Variants in ANKFN1 observed in about 807,000 individuals in gnomAD.
ANKFN1 encodes the protein ankyrin repeat and fibronectin type-III domain-containing protein 1.
Under a neutral mutation model 108.7 loss-of-function variants are expected in ANKFN1, and 74 were observed. That is an observed-to-expected ratio of 0.68 (90% CI 0.56 to 0.83). ANKFN1 has a LOEUF of 0.83. ANKFN1 is among the 40% of genes least tolerant of loss of function. The pLI, the probability that ANKFN1 is intolerant of heterozygous loss-of-function variation, is 0.00. For synonymous variants in ANKFN1, 547 were observed against 516.2 expected, an observed-to-expected ratio of 1.06 and a Z score of -0.81; for missense variants, 1,505 against 1,382.3, an observed-to-expected ratio of 1.09 and a Z score of -1.41.
intron 4 of ANKFN1, among the ~76,000 whole-genome samples, chr17:56,346,373 C>A (rs1230285375): frequency 6.6e-6 from 1 of 152,026 alleles, no homozygotes; most frequent in East Asian, 1.9e-4. Context: ...GCTATACGGG[C>A]TCTTTTTTGG....
intron 8 of ANKFN1, among the ~76,000 whole-genome samples, chr17:56,426,008 C>A (rs1478492038): frequency 6.6e-6 from 1 of 152,174 alleles, no homozygotes; most frequent in Non-Finnish European, 1.5e-5. Flanking sequence ...GATTTGATTT[C>A]TTATCCTGAA....
intron 4 of ANKFN1, among the ~76,000 whole-genome samples, chr17:56,057,118 C>T (rs1904893644): frequency 6.6e-6 from 1 of 152,236 alleles, no homozygotes; most frequent in Admixed American, 6.5e-5. Context: ...TCCTCATCTA[C>T]TCAAGATTTA....
chr17:56,424,142 C>G (rs1230854249), intron 8 of ANKFN1, among the ~76,000 whole-genome samples: 5 of 152,170 alleles, frequency 3.3e-5, no homozygotes, highest in African/African-American at 1.2e-4. Context: ...GGTGGGTGCA[C>G]TAAGGGGTGA....
At chr17:56,184,418 A>G (rs187649612) in intron 1 of ANKFN1, among the ~76,000 whole-genome samples, 1 of 152,310 alleles carries the variant, frequency 6.6e-6, no homozygotes, top group East Asian at 1.9e-4. Flanking sequence ...TATTTTTTAG[A>G]CATAATGCTG....
chr17:56,379,477 G>A (rs550605354), intron 8 of ANKFN1, among the ~76,000 whole-genome samples: 3 of 151,636 alleles, frequency 2.0e-5, no homozygotes, highest in Admixed American at 6.6e-5. Flanking sequence ...TAGTGAGTTC[G>A]ATGTATGTCC....
intron 20 of ANKFN1, among the ~76,000 whole-genome samples, chr17:56,503,200 G>A (rs1027116297): frequency 1.3e-5 from 2 of 151,890 alleles, no homozygotes; most frequent in Non-Finnish European, 2.9e-5. Context: ...AGAGGGGAGG[G>A]GGGTGTTGTT....
chr17:56,112,742 G>A (rs1906038160), intron 4 of ANKFN1, among the ~76,000 whole-genome samples: 2 of 152,160 alleles, frequency 1.3e-5, no homozygotes, highest in Admixed American at 1.3e-4. Context: ...ATGCCAATAT[G>A]TGTAGATACA....
intron 3 of ANKFN1, among the ~76,000 whole-genome samples, chr17:56,285,903 CT>C (rs1345988760): frequency 5.3e-5 from 8 of 151,980 alleles, no homozygotes; most frequent in Non-Finnish European, 2.9e-5. Flanking sequence ...CAGTGTTGAC[CT>C]AGTCTTTGTA....
chr17:56,492,041 C>T (rs1412810478), intron 18 of ANKFN1, 146 bp from the exon 19 acceptor site: 14 of 585,566 alleles, frequency 2.4e-5, no homozygotes, highest in Non-Finnish European at 3.4e-5. Flanking sequence ...CTTAAGAGCA[C>T]ATTTATAATT....
chr17:56,088,687 A>T (rs1905358961), intron 4 of ANKFN1, among the ~76,000 whole-genome samples: 1 of 150,998 alleles, frequency 6.6e-6, no homozygotes, highest in African/African-American at 2.4e-5. Flanking sequence ...CTCCTGGCTG[A>T]CATCCTTCCA....
At chr17:56,162,409 T>C (rs72829758) in intron 1 of ANKFN1, among the ~76,000 whole-genome samples, 214 of 152,302 alleles carry the variant, frequency 1.4e-3, no homozygotes, top group South Asian at 5.0e-3. Context: ...GGGTCTGTTT[T>C]AAGCTCTTCT....
At chr17:56,144,108 G>A (rs1325170834) in intron 4 of ANKFN1, among the ~76,000 whole-genome samples, 1 of 129,316 alleles carries the variant, frequency 7.7e-6, no homozygotes, top group Non-Finnish European at 1.6e-5. Flanking sequence ...TTCATCTTTG[G>A]ATCCCTCCAG....
chr17:56,405,150 G>T (rs532814716), intron 8 of ANKFN1, among the ~76,000 whole-genome samples: 36 of 152,350 alleles, frequency 2.4e-4, no homozygotes, highest in Admixed American at 8.5e-4. Context: ...GCCTCCGGCC[G>T]GGAGGTGGCC....
chr17:56,228,660 T>A (rs539363806), intron 3 of ANKFN1: 1 of 152,200 alleles, frequency 6.6e-6, no homozygotes, highest in African/African-American at 2.4e-5. Flanking sequence ...CTGGTGTAAT[T>A]TAATAATATC....
intron 19 of ANKFN1, among the ~76,000 whole-genome samples, chr17:56,495,501 C>A (rs2051172467): frequency 6.6e-6 from 1 of 152,120 alleles, no homozygotes; most frequent in Non-Finnish European, 1.5e-5. Context: ...AGTCACTACA[C>A]AAACCAAACA....
intron 3 of ANKFN1, among the ~76,000 whole-genome samples, chr17:56,317,009 C>T (rs79253401): frequency 0.013 from 1,985 of 152,302 alleles, 56 homozygotes; most frequent in African/African-American, 0.045. Context: ...GATTTCAGCA[C>T]ACTCTCTGGA....
intron 8 of ANKFN1, among the ~76,000 whole-genome samples, chr17:56,436,585 A>G (rs1312839350): frequency 6.6e-6 from 1 of 152,106 alleles, no homozygotes; most frequent in African/African-American, 2.4e-5. Context: ...ACATTTTGGG[A>G]GGCTGAGACA....
At chr17:56,433,361 T>A (rs543470578) in intron 8 of ANKFN1, among the ~76,000 whole-genome samples, 7 of 152,236 alleles carry the variant, frequency 4.6e-5, no homozygotes, top group Admixed American at 4.6e-4. Context: ...CTTTGTTGAA[T>A]TAAATAATAG....
intron 3 of ANKFN1, among the ~76,000 whole-genome samples, chr17:56,274,167 T>C (rs2144198767): frequency 6.6e-6 from 1 of 152,324 alleles, no homozygotes; most frequent in African/African-American, 2.4e-5. Context: ...AATCTGGGAC[T>C]CTTTGACAAG....
Sources: gnomAD v4.1 joint callset for allele counts (sites outside exome capture counted in the v4.1 genomes callset) on GRCh38, gnomAD v4.1.1 for gene constraint, MANE v1.5 for transcripts, NCBI Gene and HGNC (gene_info 2026-07-23, HGNC 2026-07-21) for gene names.